The following AP4E1 variants were observed in gnomAD, a reference collection of about 807,000 sequenced individuals.
The protein encoded by AP4E1 is AP-4 complex subunit epsilon-1.
A neutral mutation model predicts 128.2 loss-of-function variants in AP4E1; 56 were observed. That is an observed-to-expected ratio of 0.44 (90% CI 0.35 to 0.55). The LOEUF (loss-of-function observed/expected upper bound fraction) is 0.55, where lower values mean the gene tolerates loss of function less well. Among genes scored for constraint, AP4E1 ranks in the 20% least tolerant of loss-of-function variants. The pLI, the probability that AP4E1 is intolerant of heterozygous loss-of-function variation, is 0.00. For synonymous variants in AP4E1, 484 were observed against 473.1 expected (o/e 1.02, Z -0.30); for missense variants, 1,324 against 1,307.7 (o/e 1.01, Z -0.19).
At chr15:50,919,535 A>T (rs569384998) in intron 3 of AP4E1, among the ~76,000 whole-genome samples, 6 of 147,502 alleles carry the variant, frequency 4.1e-5, no homozygotes, top group South Asian at 2.1e-4. Context: ...TCCATCTCAA[A>T]AAATAAATAA....
At chr15:50,964,559 C>T (rs2064361611) in intron 14 of AP4E1, among the ~76,000 whole-genome samples, 2 of 151,054 alleles carry the variant, frequency 1.3e-5, no homozygotes, top group African/African-American at 4.9e-5. Context: ...TTCTTGTGTC[C>T]TCACATTGAC....
At chr15:50,956,337 A>G (rs2064222797) in intron 13 of AP4E1, among the ~76,000 whole-genome samples, 1 of 152,054 alleles carries the variant, frequency 6.6e-6, no homozygotes, top group South Asian at 2.1e-4. Flanking sequence ...CCTTCTTACT[A>G]GCTATACATT....
chr15:50,937,903 G>T (rs1024540963), intron 8 of AP4E1, among the ~76,000 whole-genome samples: 1 of 152,142 alleles, frequency 6.6e-6, no homozygotes, highest in Non-Finnish European at 1.5e-5. Context: ...AAATCCGGAG[G>T]TATGGAAGGT....
intron 14 of AP4E1, 138 bp downstream of exon 14, chr15:50,958,932 A>G (rs1003782876): frequency 1.8e-5 from 17 of 936,996 alleles, no homozygotes; most frequent in African/African-American, 8.2e-5. Flanking sequence ...TCCTTTTCAC[A>G]TTAGTATGAC....
At chr15:50,944,920 G>A in intron 10 of AP4E1, 1 of 800,692 alleles carries the variant, frequency 1.2e-6, no homozygotes, top group South Asian at 1.4e-5. Flanking sequence ...TCTGGGGCGT[G>A]TGATGGAGAG....
Position 50,993,604 on chromosome 15 carries a change from A to G in AP4E1, c.2325A>G (p.Gly775=). The G allele has an allele frequency of 1.2e-6, 2 of 1,613,974 alleles. No homozygotes were observed. Among genetic ancestry groups the G allele is most frequent in the South Asian group, 2.2e-5 (2 of 91,078 alleles). ...CATCATCATTATTTGTTGGTCTAGGATCAGAAAGTACAATCAACCTGGTAA... is the reference window on the plus strand; with the variant it reads ...CATCATCATTATTTGTTGGTCTAGGGTCAGAAAGTACAATCAACCTGGTAA... ...LLASSLFVGL[G]SESTINLLGK... The change falls in exon 17 of 21, where the codon GGA becomes GGG. Residue 775 remains glycine, a synonymous_variant. Coordinates refer to ENST00000261842, the MANE Select transcript of AP4E1 (RefSeq NM_007347.5).
At chr15:50,926,555 G>A (rs1351623581) in intron 5 of AP4E1, among the ~76,000 whole-genome samples, 2 of 151,376 alleles carry the variant, frequency 1.3e-5, no homozygotes, top group Non-Finnish European at 2.9e-5. Flanking sequence ...CTTTAAATCA[G>A]TATTTTTAAT....
rs1306901518 is a variant in AP4E1, at chr15:50,925,086, A to G, written c.421-12A>G. On this transcript the variant is annotated splice_polypyrimidine_tract_variant and intron_variant, in intron 4 of 20. Coordinates refer to ENST00000261842, the MANE Select transcript of AP4E1 (RefSeq NM_007347.5). Reference sequence around the variant, plus strand: ...TTACACTAAATGTTTTCTTTGCTTAATGTTGTGCCAGGATCTGCAGAGCAC... The same window carrying G: ...TTACACTAAATGTTTTCTTTGCTTAGTGTTGTGCCAGGATCTGCAGAGCAC... The G allele has an allele frequency of 6.2e-7, 1 of 1,613,706 alleles. No homozygotes were observed. Among genetic ancestry groups the G allele is most frequent in the Non-Finnish European group, 8.5e-7 (1 of 1,179,830 alleles).
At chr15:50,979,099 A>G (rs1009746616) in intron 15 of AP4E1, among the ~76,000 whole-genome samples, 7 of 151,342 alleles carry the variant, frequency 4.6e-5, no homozygotes, top group Non-Finnish European at 7.4e-5. Context: ...TTTGGTTTAA[A>G]CTCTTTATCT....
rs573947786 is a variant in AP4E1, at chr15:50,939,388, A to G, written c.944-2054A>G. On this transcript the variant is annotated intron_variant, in intron 8 of 20. Coordinates refer to ENST00000261842, the MANE Select transcript of AP4E1 (RefSeq NM_007347.5). The stretch of plus-strand genomic sequence containing the variant: ...CTTGGGAGGCCAAGGCAGGAGAATC[A>G]CTTGAACCTGGGGGGTGGAGGTTGC... 2.6e-5 allele frequency among the ~76,000 whole-genome samples: 4 copies of G among 151,996 alleles called. No individual in the cohort carries two copies. The East Asian group carries it at 7.7e-4, about 29-fold the overall frequency.
chr15:50,987,725 G>GTTTTCACATAA (rs776345680), intron 16 of AP4E1, among the ~76,000 whole-genome samples: 2 of 152,094 alleles, frequency 1.3e-5, no homozygotes, highest in Non-Finnish European at 2.9e-5. Context: ...TTCCAACTAG[G>GTTTTCACATAA]TTTTCACATA....
chr15:50,995,425 T>C (rs2064855415), intron 17 of AP4E1, among the ~76,000 whole-genome samples: 1 of 145,454 alleles, frequency 6.9e-6, no homozygotes. Flanking sequence ...TGAAACAGAG[T>C]CTTACTCTGT....
intron 15 of AP4E1, among the ~76,000 whole-genome samples, chr15:50,980,703 C>G (rs985222142): frequency 6.6e-6 from 1 of 152,144 alleles, no homozygotes; most frequent in Admixed American, 6.5e-5. Context: ...GGATGACCAG[C>G]GTACCCTTCA....
In AP4E1 at chr15:50,958,733, A is replaced by C. The variant is rs776283292; in HGVS notation, c.1790A>C (p.His597Pro). The C allele has an allele frequency of 5.0e-6, 8 of 1,614,074 alleles. No individual in the cohort carries two copies. The highest frequency in any genetic ancestry group is 5.9e-6 in the Non-Finnish European group (7 of 1,180,016). The change falls in exon 14 of 21, where the codon CAT (histidine) becomes CCT (proline). Residue 597 changes from histidine (H) to proline (P), a missense_variant. By Grantham distance (77) the His-to-Pro change is moderately conservative. Transcript: ENST00000261842. ...CATGCATTTGAATTAAAACATTTGC[A>C]TGAGAATGTGGAACTTATGAAGAGC... The part of the protein sequence containing the change: ...RQHAFELKHL[H>P]ENVELMKSLL...
At chr15:50,937,185 A>C (rs1025810431) in intron 8 of AP4E1, among the ~76,000 whole-genome samples, 1 of 152,184 alleles carries the variant, frequency 6.6e-6, no homozygotes, top group Admixed American at 6.5e-5. Context: ...TAAGAATGTT[A>C]ATTTTAATTG....
At chr15:50,930,731 T>C in intron 6 of AP4E1, 74 bp from the exon 7 acceptor site, 1 of 1,422,592 alleles carries the variant, frequency 7.0e-7, no homozygotes, top group African/African-American at 1.4e-5. Context: ...TCAGGTTCTA[T>C]ATGACATTTC....
chr15:50,990,344 TTTA>T lies in AP4E1; in HGVS notation c.2091-2996_2091-2994del, dbSNP rs67379169. 6.6e-3 allele frequency among the ~76,000 whole-genome samples: 933 copies of T among 141,088 alleles called. 16 individuals are homozygous for T. The highest frequency in any genetic ancestry group is 0.021 in the African/African-American group (817 of 38,344). 92.6% of individuals were successfully genotyped at this position (141,088 alleles called of 152,430 possible). The stretch of plus-strand genomic sequence containing the variant: ...TTCCCATTTTTTATTATTTATTTAA[TTTA>T]TTATTATTATTATTATTATTATTAT... On this transcript the variant is annotated intron_variant, in intron 16 of 20. Coordinates refer to ENST00000261842, the MANE Select transcript of AP4E1 (RefSeq NM_007347.5).
chr15:50,937,068 A>G (rs2063917544), intron 8 of AP4E1, among the ~76,000 whole-genome samples: 1 of 152,090 alleles, frequency 6.6e-6, no homozygotes, highest in Non-Finnish European at 1.5e-5. Context: ...TTAGCTTTTC[A>G]TTGTTATGCT....
At chr15:50,989,830 A>G (rs184318819) in intron 16 of AP4E1, among the ~76,000 whole-genome samples, 17 of 152,308 alleles carry the variant, frequency 1.1e-4, no homozygotes, top group African/African-American at 4.1e-4. Flanking sequence ...AAGGAATTAT[A>G]TAATATATCC....
Sources: gnomAD v4.1 joint callset for allele counts (sites outside exome capture counted in the v4.1 genomes callset) on GRCh38, gnomAD v4.1.1 for gene constraint, MANE v1.5 for transcripts, NCBI Gene and HGNC (gene_info 2026-07-23, HGNC 2026-07-21) for gene names.